NRG1: variants seen among roughly 807,000 people sequenced by gnomAD.
NRG1 encodes the protein neuregulin 1, also known as pro-neuregulin-1, membrane-bound isoform.
A neutral mutation model predicts 63.8 loss-of-function variants in NRG1; 18 were observed. That is an observed-to-expected ratio of 0.28 (90% CI 0.19 to 0.42). The LOEUF (loss-of-function observed/expected upper bound fraction) is 0.42. Ranked by LOEUF, NRG1 falls within the 10% of genes least tolerant of loss-of-function variation. The pLI is 1.00. For missense variants in NRG1, 762 were observed against 814.7 expected (o/e 0.94, Z 0.79); for synonymous variants, 302 against 301.3 (o/e 1.00, Z -0.02).
At chr8:32,607,743 G>C (rs1321634036) in intron 3 of NRG1, among the ~76,000 whole-genome samples, 2 of 152,152 alleles carry the variant, frequency 1.3e-5, no homozygotes, top group Non-Finnish European at 2.9e-5. Flanking sequence ...GTAGAGAGAT[G>C]AAACTCGAGG....
At chr8:32,289,415 T>C (rs1238769888) in intron 1 of NRG1, among the ~76,000 whole-genome samples, 1 of 151,562 alleles carries the variant, frequency 6.6e-6, no homozygotes, top group Non-Finnish European at 1.5e-5. Context: ...CAAGGACAAA[T>C]GAGGGCAGTG....
chr8:32,370,817 T>G (rs149535593), intron 1 of NRG1, among the ~76,000 whole-genome samples: 1,724 of 122,272 alleles, frequency 0.014, 32 homozygotes, highest in African/African-American at 0.051. Context: ...AAGATCTCAC[T>G]GCTGCACTCC....
intron 1 of NRG1, among the ~76,000 whole-genome samples, chr8:31,713,003 A>G (rs975952565): frequency 2.7e-5 from 4 of 149,012 alleles, no homozygotes; most frequent in Non-Finnish European, 5.9e-5. Context: ...CCATCCATCC[A>G]TCCATCCATC....
chr8:32,412,102 T>A (rs908709703), intron 1 of NRG1, among the ~76,000 whole-genome samples: 4 of 152,074 alleles, frequency 2.6e-5, no homozygotes, highest in African/African-American at 9.7e-5. Context: ...AAGACCGGAA[T>A]AGAACAAAAA....
intron 1 of NRG1, among the ~76,000 whole-genome samples, chr8:32,422,770 G>A (rs999548757): frequency 6.6e-6 from 1 of 152,190 alleles, no homozygotes; most frequent in Non-Finnish European, 1.5e-5. Context: ...AATGTCTAAT[G>A]GTTTTTGAAT....
At chr8:32,344,602 ATTTT>A (rs61448713) in intron 1 of NRG1, among the ~76,000 whole-genome samples, 1 of 101,184 alleles carries the variant, frequency 9.9e-6, no homozygotes, top group African/African-American at 4.2e-5. Context: ...ACACTCAGCT[ATTTT>A]TTTTTTTTTT....
intron 1 of NRG1, among the ~76,000 whole-genome samples, chr8:32,042,569 A>G (rs1018001755): frequency 6.6e-5 from 10 of 152,208 alleles, no homozygotes; most frequent in Non-Finnish European, 1.3e-4. Context: ...TCCAACCTAC[A>G]TTAACACTGA....
At chr8:32,028,951 A>T (rs1308875397) in intron 1 of NRG1, among the ~76,000 whole-genome samples, 1 of 152,154 alleles carries the variant, frequency 6.6e-6, no homozygotes, top group East Asian at 1.9e-4. Context: ...TTGTAGCAGG[A>T]TTCATAATTT....
chr8:31,951,463 T>C (rs1230579033), intron 1 of NRG1, among the ~76,000 whole-genome samples: 1 of 152,180 alleles, frequency 6.6e-6, no homozygotes, highest in Non-Finnish European at 1.5e-5. Flanking sequence ...AAAAAGTCAA[T>C]GGCTGAGATT....
intron 1 of NRG1, among the ~76,000 whole-genome samples, chr8:32,090,584 G>A (rs879725668): frequency 1.3e-5 from 2 of 152,158 alleles, no homozygotes; most frequent in African/African-American, 2.4e-5. Context: ...GCCTCCCAAA[G>A]TGCTGAGATT....
rs1441966335 is a variant in NRG1 at position 32,043,656 on chromosome 8, T to A, written c.37+404225T>A. On this transcript the variant is annotated intron_variant, in intron 1 of 10. Coordinates refer to the NRG1 transcript ENST00000519301. ...TATTTAATTTAAATATCTACTATAA[T>A]ATAAAAGGACCTATATGATGGTAGT... is the stretch of plus-strand genomic sequence containing the variant. Among the ~76,000 whole-genome samples the A allele has an allele frequency of 2.0e-5, 3 of 151,944 alleles. No individual in the cohort carries two copies. The South Asian group carries it at 6.2e-4, about 31-fold the overall frequency.
chr8:32,000,504 C>A (rs530435085), intron 1 of NRG1, among the ~76,000 whole-genome samples: 2 of 151,976 alleles, frequency 1.3e-5, no homozygotes, highest in Admixed American at 6.6e-5. Context: ...TGGCCTCAAG[C>A]AATCCTCCCA....
intron 1 of NRG1, among the ~76,000 whole-genome samples, chr8:32,050,370 T>C (rs999756107): frequency 6.6e-6 from 1 of 152,176 alleles, no homozygotes; most frequent in East Asian, 1.9e-4. Flanking sequence ...GAGCTTCCAC[T>C]GAACGTGGTG....
intron 1 of NRG1, among the ~76,000 whole-genome samples, chr8:32,257,020 G>A (rs191062413): frequency 6.6e-6 from 1 of 152,294 alleles, no homozygotes; most frequent in Admixed American, 6.5e-5. Context: ...TCTGACTACA[G>A]CATCTTTGCT....
intron 1 of NRG1, among the ~76,000 whole-genome samples, chr8:32,455,067 T>A (rs1319355658): frequency 3.3e-5 from 5 of 152,204 alleles, no homozygotes; most frequent in Non-Finnish European, 7.3e-5. Context: ...AGCTGTACCA[T>A]CTTGGTTCGT....
intron 11 of NRG1, 55 bp downstream of exon 11, chr8:32,760,461 G>GT: frequency 1.2e-6 from 2 of 1,607,254 alleles, no homozygotes; most frequent in South Asian, 2.2e-5. Flanking sequence ...GAGAATCCCT[G>GT]TGAGCACCTG....
chr8:31,833,831 G>A (rs1825405989), intron 1 of NRG1, among the ~76,000 whole-genome samples: 1 of 151,624 alleles, frequency 6.6e-6, no homozygotes, highest in Admixed American at 6.6e-5. Flanking sequence ...GTATAAGTGG[G>A]TTAATTCTAT....
chr8:32,323,552 G>T (rs1801659533), intron 1 of NRG1, among the ~76,000 whole-genome samples: 1 of 152,210 alleles, frequency 6.6e-6, no homozygotes, highest in Non-Finnish European at 1.5e-5. Context: ...GCCAGCAATG[G>T]TCCTGCAGGG....
intron 1 of NRG1, among the ~76,000 whole-genome samples, chr8:32,299,016 ACT>A (rs1251554496): frequency 1.6e-5 from 2 of 126,474 alleles, no homozygotes; most frequent in Non-Finnish European, 3.2e-5. Flanking sequence ...ACAAAGTTAG[ACT>A]CTATCTCAAA....
Sources: gnomAD v4.1 joint callset for allele counts (sites outside exome capture counted in the v4.1 genomes callset) on GRCh38, gnomAD v4.1.1 for gene constraint, MANE v1.5 for transcripts, NCBI Gene and HGNC (gene_info 2026-07-23, HGNC 2026-07-21) for gene names.